ST3GAL1: variants seen among roughly 807,000 people sequenced by gnomAD.
ST3GAL1 encodes ST3 beta-galactoside alpha-2,3-sialyltransferase 1.
ST3GAL1 carries 16 observed loss-of-function variants against 34.1 expected under a neutral mutation model. The observed-to-expected ratio is 0.47, with a 90% CI of 0.32 to 0.71. The LOEUF (loss-of-function observed/expected upper bound fraction) is 0.71. ST3GAL1 is among the 30% of genes least tolerant of loss of function. The pLI, the probability that ST3GAL1 is intolerant of heterozygous loss-of-function variation, is 0.04. For synonymous variants in ST3GAL1, 191 were observed against 184.7 expected (o/e 1.03, Z -0.28); for missense variants, 353 against 447.4 (o/e 0.79, Z 1.90).
chr8:133,484,126 C>T (rs966430055), intron 3 of ST3GAL1, among the ~76,000 whole-genome samples: 11 of 152,230 alleles, frequency 7.2e-5, no homozygotes, highest in African/African-American at 2.6e-4. Flanking sequence ...TTTCAGCAGC[C>T]CCATTCACTG....
chr8:133,470,312 A>G (rs903877008), intron 5 of ST3GAL1, among the ~76,000 whole-genome samples: 1 of 151,958 alleles, frequency 6.6e-6, no homozygotes, highest in African/African-American at 2.4e-5. Context: ...CCAGCTACTC[A>G]GGAGGCTGAG....
In ST3GAL1 at chr8:133,458,676, TG is replaced by T. The variant is rs1022081442; in HGVS notation, c.*1087del. On this transcript the variant is annotated 3_prime_UTR_variant, in exon 10 of 10. Coordinates refer to ENST00000522652, the MANE Select transcript of ST3GAL1 (RefSeq NM_173344.3). ...GCTACGGAGCAAGCAGGGCCGCTGG[TG>T]GGGGTCCCTTTTCCCAAGTAAGGGC... 1.3e-5 allele frequency: 2 copies of T among 152,320 alleles called. No homozygotes were observed. Among genetic ancestry groups the T allele is most frequent in the South Asian group, 2.1e-4 (1 of 4,826 alleles). 9.4% of individuals were successfully genotyped at this position (152,320 alleles called of 1,614,324 possible). A position where few individuals can be genotyped will look rare whatever the true frequency, so the allele number is the denominator to read the frequency against.
chr8:133,535,046 A>G (rs1054934550), intron 2 of ST3GAL1, among the ~76,000 whole-genome samples: 3 of 152,330 alleles, frequency 2.0e-5, no homozygotes, highest in Non-Finnish European at 2.9e-5. Context: ...CTGACGAGGG[A>G]GAAGCCCTGC....
intron 3 of ST3GAL1, among the ~76,000 whole-genome samples, chr8:133,480,134 T>G (rs529557479): frequency 1.7e-4 from 26 of 152,298 alleles, no homozygotes; most frequent in African/African-American, 6.0e-4. Flanking sequence ...TGGCTCCCTG[T>G]CCTCTGCCAA....
intron 2 of ST3GAL1, among the ~76,000 whole-genome samples, chr8:133,536,011 A>C: frequency 1.3e-5 from 2 of 152,234 alleles, no homozygotes; most frequent in Middle Eastern, 6.8e-3. Flanking sequence ...AACTCATTCA[A>C]TCCTGGAGTT....
intron 1 of ST3GAL1, among the ~76,000 whole-genome samples, chr8:133,554,767 G>A (rs563236903): frequency 1.4e-5 from 2 of 143,920 alleles, no homozygotes; most frequent in South Asian, 2.2e-4. Context: ...TTGCTCTGTC[G>A]CCAGGGTGGA....
chr8:133,462,622 C>T (rs116156268), intron 8 of ST3GAL1, among the ~76,000 whole-genome samples: 2 of 152,250 alleles, frequency 1.3e-5, no homozygotes, highest in African/African-American at 2.4e-5. Context: ...CAGGAGAGGG[C>T]GTGCACGTCC....
chr8:133,561,843 G>A (rs1421097049), intron 1 of ST3GAL1, among the ~76,000 whole-genome samples: 1 of 152,146 alleles, frequency 6.6e-6, no homozygotes, highest in Non-Finnish European at 1.5e-5. Context: ...CTACAGTTCA[G>A]AGTGGGAAGG....
In ST3GAL1 at chr8:133,463,324, G is replaced by A. The variant is rs1181334146; in HGVS notation, c.729+90C>T. On this transcript the variant is annotated intron_variant, in intron 8 of 9. Coordinates refer to ENST00000522652, the MANE Select transcript of ST3GAL1 (RefSeq NM_173344.3). Reference sequence around the variant, plus strand: ...CCTCCAGCGGCCTGGGGATCTGGGGGCTGTCTTGCAACTCAATGCCGTACC... The same window carrying A: ...CCTCCAGCGGCCTGGGGATCTGGGGACTGTCTTGCAACTCAATGCCGTACC... 4.8e-6 allele frequency: 7 copies of A among 1,449,058 alleles called. No homozygotes were observed. The Admixed American group carries it at 1.2e-4, about 26-fold the overall frequency. 89.8% of individuals were successfully genotyped at this position (1,449,058 alleles called of 1,614,324 possible). A position where few individuals can be genotyped will look rare whatever the true frequency, so the allele number is the denominator to read the frequency against.
At chr8:133,551,414 G>A (rs905793412) in intron 1 of ST3GAL1, among the ~76,000 whole-genome samples, 2 of 151,744 alleles carry the variant, frequency 1.3e-5, no homozygotes, top group African/African-American at 4.8e-5. Flanking sequence ...GTTGCAGTGA[G>A]CTGAGATCAC....
chr8:133,522,740 G>A (rs1474120217), intron 2 of ST3GAL1, among the ~76,000 whole-genome samples: 2 of 152,290 alleles, frequency 1.3e-5, no homozygotes, highest in South Asian at 2.1e-4. Flanking sequence ...GGGGCACAGT[G>A]TTAAGCACGT....
At chr8:133,463,373 A>G (rs1157913671) in intron 8 of ST3GAL1, 41 bp downstream of exon 8, 2 of 1,610,606 alleles carry the variant, frequency 1.2e-6, no homozygotes, top group South Asian at 1.1e-5. Context: ...TTAGATGAGG[A>G]AGCCTGAACT....
rs1159713676 is a variant in ST3GAL1, at chr8:133,541,152, G to GAGAGAC, written c.-429+4621_-429+4622insGTCTCT. Among the ~76,000 whole-genome samples the GAGAGAC allele has an allele frequency of 2.2e-3, 295 of 136,602 alleles. 10 individuals carry two copies. Among genetic ancestry groups the GAGAGAC allele is most frequent in the African/African-American group, 7.9e-3 (278 of 35,156 alleles). 89.6% of individuals were successfully genotyped at this position (136,602 alleles called of 152,430 possible). The stretch of plus-strand genomic sequence containing the variant: ...AGAGAGAGAGAGAGAGAGAGAGAGA[G>GAGAGAC]ACTGTGTGTCTCTCCCTCTTTCTCA... On this transcript the variant is annotated intron_variant, in intron 2 of 9. Transcript: ENST00000522652.
At chr8:133,558,903 T>C (rs1819136193) in intron 1 of ST3GAL1, among the ~76,000 whole-genome samples, 1 of 152,140 alleles carries the variant, frequency 6.6e-6, no homozygotes, top group Admixed American at 6.6e-5. Flanking sequence ...CCACTGTGTG[T>C]GTGGAGTTTG....
At chr8:133,513,587 A>C (rs2978032) in intron 2 of ST3GAL1, among the ~76,000 whole-genome samples, 34,716 of 152,098 alleles carry the variant, frequency 0.23, 4,242 homozygotes, top group African/African-American at 0.27. Flanking sequence ...AATATTTATT[A>C]TCTGATTCTT....
intron 2 of ST3GAL1, among the ~76,000 whole-genome samples, chr8:133,502,984 G>A (rs1461238387): frequency 1.3e-5 from 2 of 152,204 alleles, no homozygotes; most frequent in Non-Finnish European, 2.9e-5. Context: ...GCAGAAAGCT[G>A]AAATCTGACT....
rs1406258807 is a variant in ST3GAL1, at chr8:133,456,601, G to A, written c.*3163C>T. The A allele has an allele frequency of 6.6e-6, 1 of 152,308 alleles. No homozygotes were observed. Among genetic ancestry groups the A allele is most frequent in the Non-Finnish European group, 1.5e-5 (1 of 68,088 alleles). 9.4% of individuals were successfully genotyped at this position (152,308 alleles called of 1,614,324 possible). A position where few individuals can be genotyped will look rare whatever the true frequency, so the allele number is the denominator to read the frequency against. On this transcript the variant is annotated 3_prime_UTR_variant, in exon 10 of 10. Transcript: ENST00000522652. ...CCAGCCACCTTCACCCCAGGGATGA[G>A]TTCCAGTTGGTTTAAGCCAGACTGG...
chr8:133,470,064 C>T (rs569269840), intron 5 of ST3GAL1, among the ~76,000 whole-genome samples: 2 of 152,286 alleles, frequency 1.3e-5, no homozygotes, highest in East Asian at 1.9e-4. Context: ...CTCCATGTGG[C>T]GTCACTGTTT....
chr8:133,540,884 CATATATATAGACAT>C, intron 2 of ST3GAL1, among the ~76,000 whole-genome samples: 1 of 88,026 alleles, frequency 1.1e-5, no homozygotes, highest in Non-Finnish European at 2.2e-5. Flanking sequence ...TATATAGAGA[CATATATATAGACAT>C]ATATATAGAC....
Sources: gnomAD v4.1 joint callset for allele counts (sites outside exome capture counted in the v4.1 genomes callset) on GRCh38, gnomAD v4.1.1 for gene constraint, MANE v1.5 for transcripts, NCBI Gene and HGNC (gene_info 2026-07-23, HGNC 2026-07-21) for gene names.